Variants in COL5A2 observed in about 807,000 individuals in gnomAD.
COL5A2 encodes the protein collagen alpha-2(V) chain.
A neutral mutation model predicts 208.2 loss-of-function variants in COL5A2; 23 were observed. The ratio of observed to expected loss-of-function variants is 0.11; its 90% CI spans 0.08 to 0.16. COL5A2 has a LOEUF of 0.16. Ranked by LOEUF, COL5A2 falls within the 10% of genes least tolerant of loss-of-function variation. The pLI, the probability that COL5A2 is intolerant of heterozygous loss-of-function variation, is 1.00. For synonymous variants in COL5A2, 625 were observed against 628.5 expected (o/e 0.99, Z 0.08); for missense variants, 1,590 against 1,956.4 (o/e 0.81, Z 3.53).
chr2:189,368,407 G>A, the COL5A2 span, among the ~76,000 whole-genome samples: 9 of 151,998 alleles, frequency 5.9e-5, no homozygotes, highest in African/African-American at 1.4e-4. Context: ...AACATACATC[G>A]GATAGTAAAT....
chr2:189,162,704 T>C (rs1688391732), intron 1 of COL5A2, among the ~76,000 whole-genome samples: 1 of 152,160 alleles, frequency 6.6e-6, no homozygotes, highest in Non-Finnish European at 1.5e-5. Context: ...ATCTGAATGT[T>C]TCATGCACTT....
chr2:189,407,185 T>C, the COL5A2 span, among the ~76,000 whole-genome samples: 1 of 152,150 alleles, frequency 6.6e-6, no homozygotes, highest in Non-Finnish European at 1.5e-5. Context: ...TTGCTCCAAG[T>C]AAGCATCCAA....
the COL5A2 span, among the ~76,000 whole-genome samples, chr2:189,433,951 A>C: frequency 6.6e-6 from 1 of 152,196 alleles, no homozygotes; most frequent in Non-Finnish European, 1.5e-5. Flanking sequence ...CTGGCAAACC[A>C]AATCCAGCAG....
At chr2:189,087,524 C>A (rs574353715) in intron 8 of COL5A2, among the ~76,000 whole-genome samples, 1 of 151,616 alleles carries the variant, frequency 6.6e-6, no homozygotes, top group Non-Finnish European at 1.5e-5. Flanking sequence ...AGTGCAGTGG[C>A]GCGACCTGGG....
intron 1 of COL5A2, among the ~76,000 whole-genome samples, chr2:189,210,039 T>C (rs191869837): frequency 2.0e-5 from 3 of 152,292 alleles, no homozygotes; most frequent in African/African-American, 7.2e-5. Context: ...GGCCGTTAAA[T>C]ATAAATCCTC....
the COL5A2 span, among the ~76,000 whole-genome samples, chr2:189,283,023 T>G: frequency 7.4e-4 from 112 of 152,258 alleles, no homozygotes; most frequent in African/African-American, 2.6e-3. Flanking sequence ...TCAATCACTG[T>G]CTACTCAATT....
Position 189,032,801 on chromosome 2 carries a change from C to G in COL5A2, c.*1269G>C, listed in dbSNP as rs1400876259. On this transcript the variant is annotated 3_prime_UTR_variant, in exon 54 of 54. Coordinates refer to ENST00000374866, the MANE Select transcript of COL5A2 (RefSeq NM_000393.5). ...GCTCTTTCTTTCAGAAACGGGAAGTCTAACAGTTATGTTTTCACAATGGTA... is the reference window on the plus strand; with the variant it reads ...GCTCTTTCTTTCAGAAACGGGAAGTGTAACAGTTATGTTTTCACAATGGTA... 2 of 152,528 alleles carry G rather than the reference C, an allele frequency of 1.3e-5. No individual in the cohort carries two copies. Among genetic ancestry groups the G allele is most frequent in the Non-Finnish European group, 2.9e-5 (2 of 68,002 alleles). 9.4% of individuals were successfully genotyped at this position (152,528 alleles called of 1,614,324 possible).
At chr2:189,269,376 T>C in the COL5A2 span, among the ~76,000 whole-genome samples, 1 of 152,140 alleles carries the variant, frequency 6.6e-6, no homozygotes, top group South Asian at 2.1e-4. Context: ...GCTGTGGGTC[T>C]GCATAAATAA....
chr2:189,321,854 C>T, the COL5A2 span, among the ~76,000 whole-genome samples: 12 of 152,322 alleles, frequency 7.9e-5, 1 homozygote, highest in South Asian at 2.3e-3. Context: ...AACTCTCCAC[C>T]ACAAATCAAC....
chr2:189,229,929 C>T (rs555344035), upstream of COL5A2, among the ~76,000 whole-genome samples: 65 of 151,814 alleles, frequency 4.3e-4, no homozygotes, highest in African/African-American at 1.5e-3. Flanking sequence ...TAAAACAAAT[C>T]GGCTGTATTA....
intron 1 of COL5A2, among the ~76,000 whole-genome samples, chr2:189,218,332 T>C (rs1393205508): frequency 4.6e-5 from 7 of 152,052 alleles, no homozygotes; most frequent in Admixed American, 2.6e-4. Flanking sequence ...GGTTCCTTTA[T>C]AGGAAGAGAA....
intron 13 of COL5A2, among the ~76,000 whole-genome samples, chr2:189,080,673 C>T (rs536906314): frequency 6.6e-5 from 10 of 152,212 alleles, no homozygotes; most frequent in Non-Finnish European, 1.3e-4. Flanking sequence ...ACAGGAATTG[C>T]CTACCTTTTC....
the COL5A2 span, among the ~76,000 whole-genome samples, chr2:189,279,828 A>G: frequency 1.6e-4 from 25 of 152,260 alleles, no homozygotes; most frequent in African/African-American, 6.0e-4. Context: ...TTGATGCAAA[A>G]GTTTATTCAA....
chr2:189,206,113 T>C (rs1278360042), intron 1 of COL5A2, among the ~76,000 whole-genome samples: 1 of 152,162 alleles, frequency 6.6e-6, no homozygotes, highest in Non-Finnish European at 1.5e-5. Flanking sequence ...CTAGTTTAAG[T>C]GAATTCAGGC....
chr2:189,394,264 A>C, the COL5A2 span, among the ~76,000 whole-genome samples: 15 of 151,734 alleles, frequency 9.9e-5, no homozygotes, highest in East Asian at 2.9e-3. Flanking sequence ...TTGAAAAAAA[A>C]ACATTAGATT....
At chr2:189,412,200 G>A in the COL5A2 span, among the ~76,000 whole-genome samples, 1 of 152,122 alleles carries the variant, frequency 6.6e-6, no homozygotes, top group Non-Finnish European at 1.5e-5. Flanking sequence ...TATCCTGTGA[G>A]CCGCAGTCCC....
intron 1 of COL5A2, among the ~76,000 whole-genome samples, chr2:189,189,619 T>G (rs1688898744): frequency 6.6e-6 from 1 of 152,142 alleles, no homozygotes; most frequent in South Asian, 2.1e-4. Flanking sequence ...GCCACTGCAC[T>G]CCAGCCTGGG....
chr2:189,417,651 C>G, the COL5A2 span, among the ~76,000 whole-genome samples: 1 of 151,398 alleles, frequency 6.6e-6, no homozygotes, highest in Non-Finnish European at 1.5e-5. Flanking sequence ...ATTTCTATAT[C>G]AACTTTTTTT....
chr2:189,433,135 A>G, the COL5A2 span, among the ~76,000 whole-genome samples: 1 of 152,264 alleles, frequency 6.6e-6, no homozygotes, highest in Non-Finnish European at 1.5e-5. Flanking sequence ...GAAACCAATG[A>G]GAACAAAGAT....
Sources: gnomAD v4.1 joint callset for allele counts (sites outside exome capture counted in the v4.1 genomes callset) on GRCh38, gnomAD v4.1.1 for gene constraint, MANE v1.5 for transcripts, NCBI Gene and HGNC (gene_info 2026-07-23, HGNC 2026-07-21) for gene names.